The following GABRR2 variants were observed in gnomAD, a reference collection of about 807,000 sequenced individuals.
GABRR2 encodes gamma-aminobutyric acid type A receptor subunit rho2.
A neutral mutation model predicts 47.0 loss-of-function variants in GABRR2; 36 were observed. That is an observed-to-expected ratio of 0.77 (90% CI 0.59 to 1.01). The LOEUF (loss-of-function observed/expected upper bound fraction) is 1.01. Ranked by LOEUF, GABRR2 falls within the 50% of genes least tolerant of loss-of-function variation. GABRR2 has a pLI of 0.00. For missense variants in GABRR2, 587 were observed against 594.6 expected, an observed-to-expected ratio of 0.99 and a Z score of 0.13; for synonymous variants, 204 against 227.5, an observed-to-expected ratio of 0.90 and a Z score of 0.93.
At chr6:89,283,341 A>T (rs780674446) in intron 2 of GABRR2, among the ~76,000 whole-genome samples, 1 of 152,210 alleles carries the variant, frequency 6.6e-6, no homozygotes, top group Non-Finnish European at 1.5e-5. Flanking sequence ...AATGACATAT[A>T]TACATATGAC....
chr6:89,276,462 G>C (rs66476035), intron 2 of GABRR2, among the ~76,000 whole-genome samples: 39,455 of 151,878 alleles, frequency 0.26, 5,214 homozygotes, highest in East Asian at 0.4. Context: ...GTTAAAATCA[G>C]TACCTATTTA....
In GABRR2 at chr6:89,302,708, C is replaced by T. The variant is rs1040352165; in HGVS notation, c.114-2843G>A. 3.2e-5 allele frequency: 43 copies of T among 1,354,402 alleles called. No individual in the cohort carries two copies. The African/African-American group carries it at 3.7e-4, about 12-fold the overall frequency. The allele number at this position is 1,354,402 out of a possible 1,614,324, so 83.9% of individuals were successfully genotyped here. On this transcript the variant is annotated intron_variant, in intron 1 of 8. Coordinates refer to ENST00000402938, the MANE Select transcript of GABRR2 (RefSeq NM_002043.5). ...ACGGCTGCTACCTGGCAGTGGCCAC[C>T]GTGTTCCGGGGCTGCCTGTCCATGA... is the stretch of plus-strand genomic sequence containing the variant.
At chr6:89,310,357 G>T (rs998586714) in intron 1 of GABRR2, among the ~76,000 whole-genome samples, 4 of 151,924 alleles carry the variant, frequency 2.6e-5, no homozygotes, top group Non-Finnish European at 5.9e-5. Flanking sequence ...CCCTGCTTCT[G>T]CCAGAAACTG....
chr6:89,307,867 A>T (rs1582466775), intron 1 of GABRR2, among the ~76,000 whole-genome samples: 1 of 126,948 alleles, frequency 7.9e-6, no homozygotes, highest in East Asian at 2.3e-4. Context: ...GCCAGACTGG[A>T]GTTCAATGGT....
chr6:89,271,690 C>G lies in GABRR2; in HGVS notation c.253G>C (p.Val85Leu), dbSNP rs1441016342. 3 of 1,612,624 alleles carry G rather than the reference C, an allele frequency of 1.9e-6. No individual in the cohort carries two copies. Among genetic ancestry groups the G allele is most frequent in the African/African-American group, 1.3e-5 (1 of 74,854 alleles). ...PAIPVGVDVQ[V>L]ESLDSISEVD... ...TCGGAGATGCTGTCCAGGCTCTCCACCTGTACGTCCACGCCCACCGGGATG... is the reference window on the plus strand; with the variant it reads ...TCGGAGATGCTGTCCAGGCTCTCCAGCTGTACGTCCACGCCCACCGGGATG... Residue 85 changes from valine (V) to leucine (L), a missense_variant, in exon 3 of 9, where the codon GTG becomes CTG. Transcript: ENST00000402938.
chr6:89,282,495 G>C (rs1040788942), intron 2 of GABRR2, among the ~76,000 whole-genome samples: 33 of 152,212 alleles, frequency 2.2e-4, no homozygotes, highest in African/African-American at 7.0e-4. Context: ...GGGTGATTTG[G>C]ACTAGAGGTT....
chr6:89,296,581 A>G (rs936180365), intron 2 of GABRR2, among the ~76,000 whole-genome samples: 5 of 152,124 alleles, frequency 3.3e-5, no homozygotes, highest in African/African-American at 1.2e-4. Flanking sequence ...AGCTTCCCCA[A>G]AGTCAGAGCC....
At chr6:89,280,624 C>T (rs1774243496) in intron 2 of GABRR2, among the ~76,000 whole-genome samples, 1 of 152,176 alleles carries the variant, frequency 6.6e-6, no homozygotes, top group Admixed American at 6.5e-5. Flanking sequence ...TCCAACGCTG[C>T]TGTCATGGGT....
chr6:89,299,065 G>T (rs1582461444), intron 2 of GABRR2, among the ~76,000 whole-genome samples: 1 of 152,284 alleles, frequency 6.6e-6, no homozygotes, highest in Middle Eastern at 3.4e-3. Flanking sequence ...ATGGTGTTTT[G>T]TGTGAAAGCC....
intron 8 of GABRR2, among the ~76,000 whole-genome samples, chr6:89,258,731 A>G (rs1338709681): frequency 1.3e-5 from 2 of 150,158 alleles, no homozygotes; most frequent in Non-Finnish European, 3.0e-5. Context: ...TTTTTTTTAA[A>G]AAAAAAAGAA....
intron 8 of GABRR2, among the ~76,000 whole-genome samples, chr6:89,260,079 T>C (rs1242006260): frequency 1.3e-5 from 2 of 151,798 alleles, no homozygotes; most frequent in African/African-American, 2.4e-5. Flanking sequence ...AGCTCATTTT[T>C]GTATTTTTTG....
At chr6:89,277,119 A>T (rs1336301533) in intron 2 of GABRR2, among the ~76,000 whole-genome samples, 1 of 152,214 alleles carries the variant, frequency 6.6e-6, no homozygotes, top group Non-Finnish European at 1.5e-5. Context: ...TTGTCAGACC[A>T]GGTGGAGGTA....
intron 6 of GABRR2, among the ~76,000 whole-genome samples, chr6:89,266,777 T>A (rs946342756): frequency 1.3e-5 from 2 of 152,104 alleles, no homozygotes; most frequent in Non-Finnish European, 2.9e-5. Context: ...AACTCTCCAT[T>A]CCCCCTCCCA....
rs1443111450 is a variant in GABRR2, at chr6:89,315,118, A to G, written c.48T>C (p.Val16=). The G allele has an allele frequency of 6.2e-7, 1 of 1,613,930 alleles. No homozygotes were observed. The highest frequency in any genetic ancestry group is 2.2e-5 in the East Asian group (1 of 44,868). The part of the protein sequence containing the change: ...RLILFLFCLM[V]LVESRKPKRK... ...TCTTGGGTTTTCTGCTCTCCACGAGAACCATCAAGCAAAACAAGAACAAAA... is the reference window on the plus strand; with the variant it reads ...TCTTGGGTTTTCTGCTCTCCACGAGGACCATCAAGCAAAACAAGAACAAAA... Residue 16 remains valine (V), a synonymous_variant, in exon 1 of 9, where the codon GTT becomes GTC. Coordinates refer to ENST00000402938, the MANE Select transcript of GABRR2 (RefSeq NM_002043.5).
intron 1 of GABRR2, among the ~76,000 whole-genome samples, chr6:89,313,702 A>G (rs1767714578): frequency 6.6e-6 from 1 of 152,166 alleles, no homozygotes; most frequent in Non-Finnish European, 1.5e-5. Context: ...GGATCACTTG[A>G]GGTCAGAAGT....
intron 8 of GABRR2, 82 bp from the exon 9 acceptor site, chr6:89,258,063 A>T: frequency 7.9e-7 from 1 of 1,268,980 alleles, no homozygotes; most frequent in South Asian, 1.5e-5. Flanking sequence ...GCAAAGCCAC[A>T]TTGCTACTCA....
intron 1 of GABRR2, among the ~76,000 whole-genome samples, chr6:89,304,398 GCC>G (rs1469292153): frequency 6.6e-6 from 1 of 152,040 alleles, no homozygotes; most frequent in Non-Finnish European, 1.5e-5. Flanking sequence ...TTCAAGACCA[GCC>G]TGGCCAACAT....
rs901305371 is a variant in GABRR2 at position 89,257,070 on chromosome 6, GTGGGACC to G, written c.*593_*599del. 2 of 152,920 alleles carry G rather than the reference GTGGGACC, an allele frequency of 1.3e-5. No homozygotes were observed. Among genetic ancestry groups the G allele is most frequent in the Admixed American group, 6.5e-5 (1 of 15,408 alleles). 9.5% of individuals were successfully genotyped at this position (152,920 alleles called of 1,614,324 possible). A position where few individuals can be genotyped will look rare whatever the true frequency, so the allele number is the denominator to read the frequency against. ...TCATTTCTACCGTACCTGGCACAGA[GTGGGACC>G]TCAATATTTAATGAATGGTTGAATG... is the stretch of plus-strand genomic sequence containing the variant. On this transcript the variant is annotated 3_prime_UTR_variant, in exon 9 of 9. Coordinates refer to ENST00000402938, the MANE Select transcript of GABRR2 (RefSeq NM_002043.5).
At chr6:89,281,329 G>A (rs1443729391) in intron 2 of GABRR2, among the ~76,000 whole-genome samples, 1 of 152,192 alleles carries the variant, frequency 6.6e-6, no homozygotes, top group Non-Finnish European at 1.5e-5. Context: ...GGAAGGATCA[G>A]TGAAGTCCAA....
Sources: allele counts gnomAD v4.1 joint callset (sites outside exome capture counted in the v4.1 genomes callset), GRCh38; gene constraint gnomAD v4.1.1; transcripts MANE v1.5; gene names NCBI Gene and HGNC (gene_info 2026-07-23, HGNC 2026-07-21).